The following STRN variants were observed in gnomAD, a reference collection of about 807,000 sequenced individuals.
The protein encoded by STRN is striatin.
In STRN, 53 loss-of-function variants were observed where a neutral mutation model predicts 96.3. The observed-to-expected ratio is 0.55, with a 90% CI of 0.44 to 0.69. The LOEUF (loss-of-function observed/expected upper bound fraction) is 0.69, where lower values mean the gene tolerates loss of function less well. Among genes scored for constraint, STRN ranks in the 30% least tolerant of loss-of-function variants. The pLI is 0.00. For synonymous variants in STRN, 428 were observed against 355.9 expected, an observed-to-expected ratio of 1.20 and a Z score of -2.28; for missense variants, 987 against 963.9, an observed-to-expected ratio of 1.02 and a Z score of -0.32.
At chr2:36,931,213 GCTT>G (rs1670567809) in intron 1 of STRN, among the ~76,000 whole-genome samples, 1 of 151,974 alleles carries the variant, frequency 6.6e-6, no homozygotes, top group South Asian at 2.1e-4. Context: ...GTACATACTA[GCTT>G]TTTGATTCTC....
intron 2 of STRN, among the ~76,000 whole-genome samples, chr2:36,924,739 A>T (rs1670364418): frequency 6.6e-6 from 1 of 152,216 alleles, no homozygotes. Flanking sequence ...GGAATGATGA[A>T]AAAAATTATT....
At chr2:36,884,825 A>T (rs1419286323) in intron 8 of STRN, among the ~76,000 whole-genome samples, 3 of 147,368 alleles carry the variant, frequency 2.0e-5, no homozygotes, top group African/African-American at 7.4e-5. Context: ...TAGTTCAATT[A>T]AAAAAAAAAA....
rs943798581 is a variant in STRN at position 36,848,991 on chromosome 2, G to A, written c.*465C>T. The A allele has an allele frequency of 6.3e-6, 1 of 157,638 alleles. No individual in the cohort carries two copies. Among genetic ancestry groups the A allele is most frequent in the African/African-American group, 2.4e-5 (1 of 41,472 alleles). 9.8% of individuals were successfully genotyped at this position (157,638 alleles called of 1,614,324 possible). ...TATACACAAAGGGGTTAATATGGCA[G>A]ATATGATAAAGATTACTATTTTGAC... is the stretch of plus-strand genomic sequence containing the variant. On this transcript the variant is annotated 3_prime_UTR_variant, in exon 18 of 18. Transcript: ENST00000263918.
At chr2:36,889,305 T>C (rs755308590) in intron 7 of STRN, among the ~76,000 whole-genome samples, 52 of 152,296 alleles carry the variant, frequency 3.4e-4, no homozygotes, top group Non-Finnish European at 6.6e-4. Context: ...CTGAATATAA[T>C]ACTATTAAAA....
chr2:36,961,049 A>G (rs556014160), intron 1 of STRN, among the ~76,000 whole-genome samples: 6 of 150,352 alleles, frequency 4.0e-5, no homozygotes, highest in Non-Finnish European at 5.9e-5. Flanking sequence ...GACGCATGCC[A>G]ACGCACCCAG....
chr2:36,940,302 T>G (rs1417806232), intron 1 of STRN, among the ~76,000 whole-genome samples: 2 of 152,136 alleles, frequency 1.3e-5, no homozygotes, highest in Admixed American at 1.3e-4. Context: ...TAGTCAATAT[T>G]AATAAACAAA....
intron 7 of STRN, among the ~76,000 whole-genome samples, chr2:36,890,999 A>T (rs981856632): frequency 6.6e-6 from 1 of 152,148 alleles, no homozygotes; most frequent in African/African-American, 2.4e-5. Context: ...AGTATTTCGG[A>T]TTTCAAATTA....
At chr2:36,933,011 G>A (rs1188982521) in intron 1 of STRN, among the ~76,000 whole-genome samples, 2 of 150,946 alleles carry the variant, frequency 1.3e-5, no homozygotes, top group South Asian at 2.1e-4. Flanking sequence ...CTTTATAAAT[G>A]TTCCTTATGT....
In STRN at chr2:36,877,920, C is replaced by T; in HGVS notation, c.1294G>A (p.Ala432Thr). ...GLGELAGLTV[A>T]NEADSLTYDI... ...TAAGTTAGTGAGTCTGCTTCATTGGCCACCGTAAGGCCTGCTAGTTCTCCA... is the reference window on the plus strand; with the variant it reads ...TAAGTTAGTGAGTCTGCTTCATTGGTCACCGTAAGGCCTGCTAGTTCTCCA... Residue 432 changes from alanine (A) to threonine (T), a missense_variant, in exon 10 of 18, where the codon GCC (alanine) becomes ACC (threonine). Transcript: ENST00000263918. 2 of 1,614,152 alleles carry T rather than the reference C, an allele frequency of 1.2e-6. No homozygotes were observed. Among genetic ancestry groups the T allele is most frequent in the Non-Finnish European group, 1.7e-6 (2 of 1,180,018 alleles).
chr2:36,932,917 T>C (rs1246761708), intron 1 of STRN, among the ~76,000 whole-genome samples: 1 of 152,190 alleles, frequency 6.6e-6, no homozygotes, highest in East Asian at 1.9e-4. Context: ...TGTACATCAG[T>C]AGGTTTCTTG....
In STRN at chr2:36,883,281, C is replaced by T. The variant is rs1317727212; in HGVS notation, c.1186+651G>A. ...GCCAGCCTGGCCAACATGGCAAAAC[C>T]CCATCTCTACTAAAAATACAAAAAA... On this transcript the variant is annotated intron_variant, in intron 9 of 17. Coordinates refer to ENST00000263918, the MANE Select transcript of STRN (RefSeq NM_003162.4). 1.3e-5 allele frequency among the ~76,000 whole-genome samples: 2 copies of T among 151,952 alleles called. 1 individual carries two copies. The highest frequency in any genetic ancestry group is 3.9e-4 in the East Asian group (2 of 5,160).
chr2:36,966,487 C>A lies in STRN; in HGVS notation c.-24G>T. 1 of 1,409,014 alleles carries A rather than the reference C, an allele frequency of 7.1e-7. No individual in the cohort carries two copies. The highest frequency in any genetic ancestry group is 2.6e-4 in the Middle Eastern group (1 of 3,850). 87.3% of individuals were successfully genotyped at this position (1,409,014 alleles called of 1,614,324 possible). On this transcript the variant is annotated 5_prime_UTR_variant, in exon 1 of 18. Transcript: ENST00000263918. ...ATGGCGGCCGCAGATACCCGGGGAG[C>A]TGCCCCGGCGCCCAGCAGCGGAGGC...
chr2:36,902,365 T>C (rs564059359), intron 5 of STRN, among the ~76,000 whole-genome samples: 9 of 152,152 alleles, frequency 5.9e-5, no homozygotes, highest in Admixed American at 1.3e-4. Flanking sequence ...CTATTAAATA[T>C]CTGTATTAAA....
intron 3 of STRN, among the ~76,000 whole-genome samples, chr2:36,912,179 T>C (rs1343514437): frequency 6.6e-6 from 1 of 152,116 alleles, no homozygotes; most frequent in African/African-American, 2.4e-5. Flanking sequence ...TCTTCCTATT[T>C]CGAGTATCTC....
chr2:36,878,784 G>A (rs1006373987), intron 9 of STRN, among the ~76,000 whole-genome samples: 1 of 150,998 alleles, frequency 6.6e-6, no homozygotes. Flanking sequence ...ACAGAGTCTC[G>A]TTCTGTCACC....
intron 12 of STRN, among the ~76,000 whole-genome samples, chr2:36,862,128 C>T (rs1301077937): frequency 3.9e-5 from 6 of 152,154 alleles, no homozygotes; most frequent in African/African-American, 7.2e-5. Context: ...TAGTATTCCA[C>T]GGTGTCTATG....
intron 7 of STRN, 145 bp from the exon 8 acceptor site, chr2:36,886,971 G>A: frequency 1.9e-6 from 1 of 533,138 alleles, no homozygotes; most frequent in Admixed American, 3.6e-5. Flanking sequence ...ATATATATAA[G>A]TCACACAAAA....
At chr2:36,908,520 G>C (rs887632792) in intron 3 of STRN, among the ~76,000 whole-genome samples, 1 of 152,132 alleles carries the variant, frequency 6.6e-6, no homozygotes, top group African/African-American at 2.4e-5. Context: ...GGTTGCCAGG[G>C]GATTAGCGTA....
rs896136608 is a variant in STRN, at chr2:36,839,790, T to A, written c.*9666A>T. 1.3e-5 allele frequency: 2 copies of A among 152,200 alleles called. No individual in the cohort carries two copies. The highest frequency in any genetic ancestry group is 2.9e-5 in the Non-Finnish European group (2 of 68,022). The allele number at this position is 152,200 out of a possible 1,614,324, so 9.4% of individuals were successfully genotyped here. A position where few individuals can be genotyped will look rare whatever the true frequency, so the allele number is the denominator to read the frequency against. Reference sequence around the variant, plus strand: ...TAATGTTGAGATTATTCGTTGAATATTTCATATGTAATTTGCTGATTCTTT... The same window carrying A: ...TAATGTTGAGATTATTCGTTGAATAATTCATATGTAATTTGCTGATTCTTT... On this transcript the variant is annotated 3_prime_UTR_variant, in exon 18 of 18. Transcript: ENST00000263918.
Sources: gnomAD v4.1 joint callset for allele counts (sites outside exome capture counted in the v4.1 genomes callset) on GRCh38, gnomAD v4.1.1 for gene constraint, MANE v1.5 for transcripts, NCBI Gene and HGNC (gene_info 2026-07-23, HGNC 2026-07-21) for gene names.